Variants in CDC27 observed in about 807,000 individuals in gnomAD.
The protein encoded by CDC27 is cell division cycle protein 27 homolog.
Under a neutral mutation model 109.7 loss-of-function variants are expected in CDC27, and 27 were observed. That is an observed-to-expected ratio of 0.25 (90% confidence interval 0.18 to 0.34). The LOEUF is 0.34. Among genes scored for constraint, CDC27 ranks in the 10% least tolerant of loss-of-function variants. The pLI, the probability that CDC27 is intolerant of heterozygous loss-of-function variation, is 1.00. For synonymous variants in CDC27, 266 were observed against 333.9 expected (o/e 0.80, Z 2.22); for missense variants, 579 against 960.2 (o/e 0.60, Z 5.25).
At position 47,118,344 on chromosome 17, in the gene CDC27, G is replaced by A. The variant is rs1016043006; in HGVS notation, c.*2591C>T. The A allele has an allele frequency of 3.5e-4, 53 of 152,408 alleles. No individual in the cohort carries two copies. Among genetic ancestry groups the A allele is most frequent in the African/African-American group, 1.2e-3 (49 of 41,382 alleles). The allele number at this position is 152,408 out of a possible 1,614,324, so 9.4% of individuals were successfully genotyped here. ...TAAGTGATGAATACAGAAAATGTAGGGACCACCTTTCATTCTTTTGAGTAC... is the reference window on the plus strand; with the variant it reads ...TAAGTGATGAATACAGAAAATGTAGAGACCACCTTTCATTCTTTTGAGTAC... On this transcript the variant is annotated 3_prime_UTR_variant, in exon 19 of 19. Transcript: ENST00000066544.
chr17:47,171,041 T>C (rs1354757737), intron 3 of CDC27: 1 of 152,074 alleles, frequency 6.6e-6, no homozygotes, highest in Non-Finnish European at 1.5e-5. Context: ...GGGACTGCAG[T>C]GAGCCATCAT....
rs146143202 is a variant in CDC27, at chr17:47,147,929, G to A, written c.1070+3877C>T. On this transcript the variant is annotated intron_variant, in intron 9 of 18. Coordinates refer to ENST00000066544, the MANE Select transcript of CDC27 (RefSeq NM_001256.6). ...AAAAAAAAAAAAAAAGGCTGGGCGCGGTGGCTCACACCTGTAATCCCAGCA... is the reference window on the plus strand; with the variant it reads ...AAAAAAAAAAAAAAAGGCTGGGCGCAGTGGCTCACACCTGTAATCCCAGCA... Among the ~76,000 whole-genome samples the A allele has an allele frequency of 5.5e-3, 823 of 148,694 alleles. 6 individuals carry two copies. Among genetic ancestry groups the A allele is most frequent in the Non-Finnish European group, 6.1e-3 (408 of 67,388 alleles).
intron 16 of CDC27, among the ~76,000 whole-genome samples, chr17:47,125,359 G>A (rs2062105970): frequency 7.4e-6 from 1 of 134,238 alleles, no homozygotes; most frequent in African/African-American, 2.8e-5. Context: ...TGATTCTCCT[G>A]CCTCAGCCTC....
intron 4 of CDC27, among the ~76,000 whole-genome samples, chr17:47,169,312 G>A (rs1413365827): frequency 2.0e-5 from 3 of 151,808 alleles, no homozygotes; most frequent in Admixed American, 2.0e-4. Context: ...TATCTCCTCA[G>A]TGGATCACAT....
chr17:47,131,251 A>C (rs951159482), intron 15 of CDC27, among the ~76,000 whole-genome samples: 10 of 152,338 alleles, frequency 6.6e-5, no homozygotes, highest in African/African-American at 2.4e-4. Flanking sequence ...GGTGATGACA[A>C]CAAAAAATAA....
At chr17:47,162,710 A>C (rs1211626722) in intron 4 of CDC27, among the ~76,000 whole-genome samples, 2 of 152,190 alleles carry the variant, frequency 1.3e-5, no homozygotes, top group African/African-American at 4.8e-5. Flanking sequence ...TCTCATTTCC[A>C]GTATTACTTA....
chr17:47,154,135 A>G (rs1187795843), intron 8 of CDC27, among the ~76,000 whole-genome samples: 3 of 151,258 alleles, frequency 2.0e-5, no homozygotes, highest in Non-Finnish European at 4.4e-5. Context: ...AATATTTACT[A>G]TAAGTATACT....
intron 14 of CDC27, 106 bp downstream of exon 14, chr17:47,137,046 G>A (rs182289393): frequency 1.1e-5 from 6 of 570,854 alleles, no homozygotes; most frequent in Non-Finnish European, 1.8e-5. Flanking sequence ...CCATCCCTAA[G>A]TATAAGTAAC....
At chr17:47,173,634 T>C (rs2148973467) in intron 2 of CDC27, among the ~76,000 whole-genome samples, 1 of 152,102 alleles carries the variant, frequency 6.6e-6, no homozygotes, top group East Asian at 1.9e-4. Flanking sequence ...AGGTCCACTT[T>C]CACTGCAATA....
Position 47,159,390 on chromosome 17 carries a change from C to A in CDC27, c.378-1087G>T, listed in dbSNP as rs904504533. 54 of 972,556 alleles carry A rather than the reference C, an allele frequency of 5.6e-5. No homozygotes were observed. The African/African-American group carries it at 7.4e-4, about 13-fold the overall frequency. 60.2% of individuals were successfully genotyped at this position (972,556 alleles called of 1,614,324 possible). A position where few individuals can be genotyped will look rare whatever the true frequency, so the allele number is the denominator to read the frequency against. ...GAAGTTGCCCAGGGTGGCAGTGCAG[C>A]CCCTGGCTGAGGTGTAGCAGTCATC... On this transcript the variant is annotated intron_variant, in intron 4 of 18. Coordinates refer to ENST00000066544, the MANE Select transcript of CDC27 (RefSeq NM_001256.6).
At chr17:47,185,561 C>T (rs2064404872) in intron 1 of CDC27, among the ~76,000 whole-genome samples, 1 of 152,088 alleles carries the variant, frequency 6.6e-6, no homozygotes, top group African/African-American at 2.4e-5. Context: ...ATTTTTTATA[C>T]ATTTTGTGTT....
At chr17:47,176,848 T>C (rs1036388553) in intron 2 of CDC27, among the ~76,000 whole-genome samples, 2 of 152,230 alleles carry the variant, frequency 1.3e-5, no homozygotes, top group African/African-American at 4.8e-5. Context: ...AAATGATACA[T>C]TATTCCACAT....
chr17:47,189,057 T>G (rs1250885835), intron 1 of CDC27, 89 bp downstream of exon 1: 2 of 1,536,798 alleles, frequency 1.3e-6, no homozygotes, highest in Non-Finnish European at 9.0e-7. Flanking sequence ...CAGCCGGGCC[T>G]AGGCCGCACC....
intron 17 of CDC27, among the ~76,000 whole-genome samples, chr17:47,123,223 C>G (rs73308992): frequency 7.9e-4 from 120 of 152,120 alleles, no homozygotes; most frequent in African/African-American, 2.7e-3. Context: ...CTTTCATTTA[C>G]AGTGATTTTA....
chr17:47,135,535 T>C (rs1338046856), intron 14 of CDC27, among the ~76,000 whole-genome samples: 1 of 152,126 alleles, frequency 6.6e-6, no homozygotes, highest in African/African-American at 2.4e-5. Context: ...ACTTGTGTTA[T>C]AGATGAAGAA....
intron 2 of CDC27, among the ~76,000 whole-genome samples, chr17:47,174,641 AC>A (rs1287348088): frequency 6.6e-6 from 1 of 152,196 alleles, no homozygotes; most frequent in Non-Finnish European, 1.5e-5. Flanking sequence ...AAAAATACAG[AC>A]ATAGAAAGAT....
intron 14 of CDC27, among the ~76,000 whole-genome samples, chr17:47,133,925 A>G (rs2062481447): frequency 6.6e-6 from 1 of 151,688 alleles, no homozygotes; most frequent in African/African-American, 2.4e-5. Flanking sequence ...ATTTTCTTGT[A>G]TTTTTAGTAG....
At chr17:47,167,094 A>G (rs2063672534) in intron 4 of CDC27, among the ~76,000 whole-genome samples, 1 of 152,228 alleles carries the variant, frequency 6.6e-6, no homozygotes, top group African/African-American at 2.4e-5. Context: ...ACCTCAGGTG[A>G]TCCACCCACC....
At position 47,148,988 on chromosome 17, in the gene CDC27, A is replaced by G. The variant is rs535332923; in HGVS notation, c.1070+2818T>C. Among the ~76,000 whole-genome samples the G allele has an allele frequency of 2.0e-5, 3 of 150,544 alleles. No homozygotes were observed. In the East Asian group the frequency reaches 6.0e-4, roughly 30 times the overall value. On this transcript the variant is annotated intron_variant, in intron 9 of 18. Coordinates refer to ENST00000066544, the MANE Select transcript of CDC27 (RefSeq NM_001256.6). The stretch of plus-strand genomic sequence containing the variant: ...CAGCTACTCGGGAGGCCGTGGCAGG[A>G]GAATTGCTTGAACTCGGGAAGCAGA...
Sources: gnomAD v4.1 joint callset for allele counts (sites outside exome capture counted in the v4.1 genomes callset) on GRCh38, gnomAD v4.1.1 for gene constraint, MANE v1.5 for transcripts, NCBI Gene and HGNC (gene_info 2026-07-23, HGNC 2026-07-21) for gene names.